The following UNKL variants were observed in gnomAD, a reference collection of about 807,000 sequenced individuals.
UNKL encodes the protein putative E3 ubiquitin-protein ligase UNKL.
A neutral mutation model predicts 78.0 loss-of-function variants in UNKL; 60 were observed. That is an observed-to-expected ratio of 0.77 (90% CI 0.63 to 0.95). The LOEUF (loss-of-function observed/expected upper bound fraction) is 0.95. Among genes scored for constraint, UNKL ranks in the 40% least tolerant of loss-of-function variants. The pLI is 0.00. For synonymous variants in UNKL, 608 were observed against 474.8 expected, an observed-to-expected ratio of 1.28 and a Z score of -3.65; for missense variants, 1,159 against 1,045.7, an observed-to-expected ratio of 1.11 and a Z score of -1.49.
At chr16:1,386,773 G>A (rs2036832482) in intron 9 of UNKL, among the ~76,000 whole-genome samples, 2 of 152,084 alleles carry the variant, frequency 1.3e-5, no homozygotes, top group African/African-American at 4.8e-5. Context: ...TGTGACCTAA[G>A]GGTCCTGCTG....
chr16:1,410,072 G>A (rs557602754), intron 2 of UNKL, among the ~76,000 whole-genome samples: 8 of 152,008 alleles, frequency 5.3e-5, no homozygotes, highest in African/African-American at 1.2e-4. Flanking sequence ...AAGCGAGAGC[G>A]AGACTCCATC....
chr16:1,412,261 T>G (rs1008482997), intron 2 of UNKL: 1 of 152,250 alleles, frequency 6.6e-6, no homozygotes, highest in Non-Finnish European at 1.5e-5. Flanking sequence ...ATTAGGAACC[T>G]TGTAAAAAAA....
intron 2 of UNKL, chr16:1,405,949 G>C (rs1176868135): frequency 6.6e-6 from 3 of 456,524 alleles, no homozygotes; most frequent in East Asian, 6.9e-5. Flanking sequence ...ACACATTCTC[G>C]AGACTGCGAG....
chr16:1,369,584 G>C (rs997692193), intron 12 of UNKL, among the ~76,000 whole-genome samples: 1 of 151,980 alleles, frequency 6.6e-6, no homozygotes, highest in African/African-American at 2.4e-5. Context: ...GGTCAGGCTG[G>C]TCTTGAACTC....
chr16:1,385,444 C>T lies in UNKL; in HGVS notation c.1087-59G>A, dbSNP rs1374752822. ...CCCCTGCGTGGAGGAGGCAGCGCCA[C>T]GTCGGCACCCTGCAGAAAGCACCGC... On this transcript the variant is annotated intron_variant, in intron 9 of 14. Coordinates refer to ENST00000389221, the MANE Select transcript of UNKL (RefSeq NM_001372107.1). The T allele has an allele frequency of 3.8e-5, 48 of 1,275,650 alleles. No individual in the cohort carries two copies. In the East Asian group the frequency reaches 1.4e-3, roughly 37 times the overall value. The allele number at this position is 1,275,650 out of a possible 1,614,324, so 79.0% of individuals were successfully genotyped here.
At position 1,399,359 on chromosome 16, in the gene UNKL, G is replaced by A; in HGVS notation, c.734+15C>T. The A allele has an allele frequency of 6.4e-7, 1 of 1,573,840 alleles. No homozygotes were observed. The highest frequency in any genetic ancestry group is 8.6e-7 in the Non-Finnish European group (1 of 1,157,556). Reference sequence around the variant, plus strand: ...CACCAGCCGGAGTCCTCTGAGCACGGTCCCGCAGGCTCACCTGTACTGGAA... The same window carrying A: ...CACCAGCCGGAGTCCTCTGAGCACGATCCCGCAGGCTCACCTGTACTGGAA... On this transcript the variant is annotated intron_variant, in intron 5 of 14. Transcript: ENST00000389221. This position sits in a 1 kb window ranked among gnomAD's most constrained non-coding sequence, Gnocchi z 5.8.
chr16:1,369,072 T>G (rs1164666982), intron 12 of UNKL, among the ~76,000 whole-genome samples: 16 of 131,740 alleles, frequency 1.2e-4, no homozygotes, highest in East Asian at 9.2e-4. Flanking sequence ...TTTTTTTTTT[T>G]TTTTTTTTTT....
At chr16:1,379,648 T>TCCGCGGCCGCC (rs2036509109) in intron 10 of UNKL, 1 of 984,242 alleles carries the variant, frequency 1.0e-6, no homozygotes, top group Admixed American at 6.2e-5. Context: ...TGACTCACGG[T>TCCGCGGCCGCC]CCGCGGCCGC....
chr16:1,404,350 C>G (rs1217601760), intron 2 of UNKL, among the ~76,000 whole-genome samples: 1 of 152,208 alleles, frequency 6.6e-6, no homozygotes, highest in African/African-American at 2.4e-5. Flanking sequence ...ACTAGGAGCT[C>G]CAGCCAGGGA....
Position 1,403,253 on chromosome 16 carries a change from C to T in UNKL, c.379G>A (p.Ala127Thr), listed in dbSNP as rs1023388796. 9 of 1,614,056 alleles carry T rather than the reference C, an allele frequency of 5.6e-6. No homozygotes were observed. Among genetic ancestry groups the T allele is most frequent in the Admixed American group, 1.7e-5 (1 of 59,982 alleles). Residue 127 changes from alanine (A) to threonine (T), a missense_variant, in exon 3 of 15, where the codon GCA (alanine) becomes ACA (threonine). By Grantham distance (58) the Ala-to-Thr change is moderately conservative. Transcript: ENST00000389221. The surrounding 1 kb of genome is among the most constrained non-coding windows in gnomAD (Gnocchi z 4.8). ...KTGTCIHETD[A>T]RGHCVKNGLH... ...CCATTCTTCACGCAGTGGCCACGTG[C>T]GTCTGTCTCGTGGATGCAGGTTCCT...
intron 9 of UNKL, among the ~76,000 whole-genome samples, chr16:1,388,880 T>G (rs2036927575): frequency 6.6e-6 from 1 of 151,918 alleles, no homozygotes; most frequent in African/African-American, 2.4e-5. Context: ...GCCTGCCTGG[T>G]TTTTCTTCTC....
At chr16:1,375,577 GTGGCC>G (rs1484506899) in intron 10 of UNKL, among the ~76,000 whole-genome samples, 1 of 152,170 alleles carries the variant, frequency 6.6e-6, no homozygotes, top group Non-Finnish European at 1.5e-5. Flanking sequence ...GCATGCGGGA[GTGGCC>G]TCCACTCCCA....
chr16:1,403,129 G>T lies in UNKL; in HGVS notation c.464+39C>A, dbSNP rs951431783. 1 of 1,580,710 alleles carries T rather than the reference G, an allele frequency of 6.3e-7. No individual in the cohort carries two copies. Among genetic ancestry groups the T allele is most frequent in the African/African-American group, 1.3e-5 (1 of 74,446 alleles). ...TGCTCATCCAGCAGAGCCCACAGCA[G>T]CAGGCAGGCCAAGTGCCCACTCGTG... On this transcript the variant is annotated intron_variant, in intron 3 of 14. Coordinates refer to ENST00000389221, the MANE Select transcript of UNKL (RefSeq NM_001372107.1). The surrounding 1 kb of genome is among the most constrained non-coding windows in gnomAD (Gnocchi z 4.8).
In UNKL at chr16:1,414,057, T is replaced by C; in HGVS notation, c.78-2A>G. The C allele has an allele frequency of 6.5e-7, 1 of 1,532,752 alleles. No homozygotes were observed. The highest frequency in any genetic ancestry group is 8.8e-7 in the Non-Finnish European group (1 of 1,133,202). 94.9% of individuals were successfully genotyped at this position (1,532,752 alleles called of 1,614,324 possible). On this transcript the variant is annotated splice_acceptor_variant, in intron 1 of 14. Coordinates refer to ENST00000389221, the MANE Select transcript of UNKL (RefSeq NM_001372107.1). LOFTEE classifies it high-confidence loss of function. ...TCCGTCCTGAACTCCTTCAGGTACCTACAAACACAGACAGCGCCGCGGCTC... is the reference window on the plus strand; with the variant it reads ...TCCGTCCTGAACTCCTTCAGGTACCCACAAACACAGACAGCGCCGCGGCTC...
At chr16:1,401,195 T>G (rs895558518) in intron 4 of UNKL, 19 of 180,192 alleles carry the variant, frequency 1.1e-4, no homozygotes, top group African/African-American at 4.3e-4. Context: ...GGTGGGTGCC[T>G]GGTGGGCTGG....
chr16:1,379,697 C>A, intron 10 of UNKL: 1 of 984,122 alleles, frequency 1.0e-6, no homozygotes, highest in South Asian at 4.6e-5. Context: ...GGCCCGCGCC[C>A]CGCCCCCTCC....
chr16:1,379,377 G>C (rs1460597498), intron 10 of UNKL, among the ~76,000 whole-genome samples: 1 of 151,980 alleles, frequency 6.6e-6, no homozygotes, highest in Non-Finnish European at 1.5e-5. Flanking sequence ...CGCCTAGCTA[G>C]GGGACGCAGG....
chr16:1,414,686 C>A lies in UNKL; in HGVS notation c.6G>T (p.Pro2=). 1 of 1,144,304 alleles carries A rather than the reference C, an allele frequency of 8.7e-7. No individual in the cohort carries two copies. The highest frequency in any genetic ancestry group is 1.1e-6 in the Non-Finnish European group (1 of 919,780). The allele number at this position is 1,144,304 out of a possible 1,614,324, so 70.9% of individuals were successfully genotyped here. Residue 2 remains proline (P), a synonymous_variant, in exon 1 of 15, where the codon CCG becomes CCT. Transcript: ENST00000389221. The part of the protein sequence containing the change: M[P]SVSKAAAAAL... ...CCGCTGCCGCCGCTTTCGAAACCGA[C>A]GGCATTTTCAGTCAAAACAATGCAG...
At chr16:1,390,490 G>A (rs1359032003) in intron 9 of UNKL, 142 bp downstream of exon 9, 1 of 796,178 alleles carries the variant, frequency 1.3e-6, no homozygotes, top group East Asian at 2.9e-5. Flanking sequence ...TCAACCAGAT[G>A]GCTTTGCGAG....
Sources: gnomAD v4.1 joint callset for allele counts (sites outside exome capture counted in the v4.1 genomes callset) on GRCh38, gnomAD v4.1.1 for gene constraint, Gnocchi (gnomAD v3.1) non-coding constraint, MANE v1.5 for transcripts, NCBI Gene and HGNC (gene_info 2026-07-23, HGNC 2026-07-21) for gene names.